GPR137C: variants seen among roughly 807,000 people sequenced by gnomAD.
GPR137C encodes integral membrane protein GPR137C.
A neutral mutation model predicts 43.4 loss-of-function variants in GPR137C; 27 were observed. The observed-to-expected ratio is 0.62, with a 90% CI of 0.46 to 0.86. The LOEUF (loss-of-function observed/expected upper bound fraction) is 0.86. Ranked by LOEUF, GPR137C falls within the 40% of genes least tolerant of loss-of-function variation. The pLI is 0.00. For synonymous variants in GPR137C, 285 were observed against 226.9 expected (o/e 1.26, Z -2.30); for missense variants, 522 against 534.6 (o/e 0.98, Z 0.23).
At chr14:52,581,949 G>T (rs2038653694) in intron 1 of GPR137C, among the ~76,000 whole-genome samples, 1 of 152,168 alleles carries the variant, frequency 6.6e-6, no homozygotes, top group Admixed American at 6.5e-5. Context: ...AAGCAACATG[G>T]TCTACATGTC....
At chr14:52,594,269 G>A (rs2038821953) in intron 1 of GPR137C, among the ~76,000 whole-genome samples, 1 of 152,196 alleles carries the variant, frequency 6.6e-6, no homozygotes, top group Non-Finnish European at 1.5e-5. Flanking sequence ...TAGAATAAGT[G>A]TGATGTGGTG....
At chr14:52,553,819 A>AGTGT (rs752589914) in intron 1 of GPR137C, among the ~76,000 whole-genome samples, 6 of 152,272 alleles carry the variant, frequency 3.9e-5, no homozygotes, top group Non-Finnish European at 8.8e-5. Flanking sequence ...TGAGTGAGTG[A>AGTGT]GTGTGTGTGT....
In GPR137C at chr14:52,553,228, C is replaced by G. The variant is rs112566626; in HGVS notation, c.81C>G (p.Ser27Arg). 1 of 1,286,524 alleles carries G rather than the reference C, an allele frequency of 7.8e-7. No individual in the cohort carries two copies. Among genetic ancestry groups the G allele is most frequent in the Non-Finnish European group, 9.8e-7 (1 of 1,018,004 alleles). The allele number at this position is 1,286,524 out of a possible 1,614,324, so 79.7% of individuals were successfully genotyped here. ...GREPSTPGGG[S>R]GGGGAVAAAS... is the part of the protein sequence containing the mutation. ...AGCCCTCCACGCCCGGCGGGGGCAGCGGAGGCGGAGGCGCCGTCGCTGCAG... is the reference window on the plus strand; with the variant it reads ...AGCCCTCCACGCCCGGCGGGGGCAGGGGAGGCGGAGGCGCCGTCGCTGCAG... Residue 27 changes from serine to arginine, a missense_variant, in exon 1 of 7, where the codon AGC becomes AGG. Coordinates refer to ENST00000321662, the MANE Select transcript of GPR137C (RefSeq NM_001099652.2).
chr14:52,634,958 T>C lies in GPR137C; in HGVS notation c.1133T>C (p.Leu378Ser), dbSNP rs752984384. ...REGSLPNSQS[L>S]GWYGTMTGCG... ...TGCAGTTTACCAAATTCGCAAAGTT[T>C]GGGCTGGTATGGCACCATGACTGGG... Residue 378 changes from leucine to serine, a missense_variant, in exon 7 of 7, where the codon TTG (leucine) becomes TCG (serine). Physicochemically the swap from Leu to Ser is moderately radical, Grantham distance 145. Around this residue, in one of 3 missense-constraint regions of GPR137C, gnomAD observed 67 missense variants for 69.0 expected, o/e 0.97. Coordinates refer to ENST00000321662, the MANE Select transcript of GPR137C (RefSeq NM_001099652.2). 4 of 1,612,616 alleles carry C rather than the reference T, an allele frequency of 2.5e-6. No individual in the cohort carries two copies. In the South Asian group the frequency reaches 4.4e-5, roughly 18 times the overall value.
Position 52,635,031 on chromosome 14 carries a change from G to A in GPR137C, c.1206G>A (p.Met402Ile), listed in dbSNP as rs780242846. The A allele has an allele frequency of 6.2e-7, 1 of 1,612,422 alleles. No homozygotes were observed. The highest frequency in any genetic ancestry group is 1.7e-4 in the Middle Eastern group (1 of 6,058). Reference sequence around the variant, plus strand: ...TCACTCCCCACCTGAATGGACCTATGACAGATACTGCTCCTTTGCTCTTTA... The same window carrying A: ...TCACTCCCCACCTGAATGGACCTATAACAGATACTGCTCCTTTGCTCTTTA... The part of the protein sequence containing the change: ...YTVTPHLNGP[M>I]TDTAPLLFTC... Residue 402 changes from methionine to isoleucine, a missense_variant, in exon 7 of 7, where the codon ATG becomes ATA. Around this residue, in one of 3 missense-constraint regions of GPR137C, gnomAD observed 67 missense variants for 69.0 expected, o/e 0.97. Coordinates refer to ENST00000321662, the MANE Select transcript of GPR137C (RefSeq NM_001099652.2).
intron 3 of GPR137C, among the ~76,000 whole-genome samples, chr14:52,625,198 AG>A (rs1594808007): frequency 6.6e-6 from 1 of 152,108 alleles, no homozygotes; most frequent in Non-Finnish European, 1.5e-5. Context: ...AAAATAGAGG[AG>A]GGGGCTGGAC....
rs756050038 is a variant in GPR137C at position 52,633,622 on chromosome 14, G to A, written c.960G>A (p.Leu320=). The A allele has an allele frequency of 1.1e-5, 17 of 1,613,138 alleles. No individual in the cohort carries two copies. The highest frequency in any genetic ancestry group is 1.4e-5 in the Non-Finnish European group (16 of 1,179,348). ...ATGTGCCAGCATGGTCGGTGGTACT[G>A]TTTTTCCGGGCACAGAGATTAAACC... ...WEHVPAWSVV[L]FFRAQRLNQN... The change falls in exon 5 of 7, where the codon CTG becomes CTA. Residue 320 remains leucine, a synonymous_variant. Coordinates refer to ENST00000321662, the MANE Select transcript of GPR137C (RefSeq NM_001099652.2).
intron 2 of GPR137C, among the ~76,000 whole-genome samples, chr14:52,599,434 C>CTTTTTT (rs376009711): frequency 1.4e-5 from 2 of 139,728 alleles, no homozygotes; most frequent in Non-Finnish European, 3.1e-5. Flanking sequence ...TTTTTTTTTC[C>CTTTTTT]TTTTTTTTTT....
Position 52,593,959 on chromosome 14 carries a change from T to G in GPR137C, c.445-4313T>G, listed in dbSNP as rs2038817417. Among the ~76,000 whole-genome samples, 4 of 152,320 alleles carry G rather than the reference T, an allele frequency of 2.6e-5. No individual in the cohort carries two copies. In the South Asian group the frequency reaches 8.3e-4, roughly 32 times the overall value. On this transcript the variant is annotated intron_variant, in intron 1 of 6. Transcript: ENST00000321662. ...TTTAGATCTTTCCTGCTTTCTCTTG[T>G]GGAATTTAGTGCTGTAAATTTCCCT...
chr14:52,563,770 C>T (rs538083347), intron 1 of GPR137C, among the ~76,000 whole-genome samples: 26 of 152,262 alleles, frequency 1.7e-4, no homozygotes, highest in African/African-American at 5.1e-4. Flanking sequence ...TCCCTCATTA[C>T]GCACATTCAC....
Position 52,553,353 on chromosome 14 carries a change from G to A in GPR137C, c.206G>A (p.Trp69Ter). Residue 69 changes from tryptophan (W) to a stop codon, truncating the protein, a stop_gained, in exon 1 of 7, where the codon TGG becomes TAG. Coordinates refer to ENST00000321662, the MANE Select transcript of GPR137C (RefSeq NM_001099652.2). LOFTEE classifies it high-confidence loss of function. Reference sequence around the variant, plus strand: ...TTCGCCTTTGCCTACCTGCAGCTGTGGCGGCTGCTCCTGTACCGCGAGCGG... The same window carrying A: ...TTCGCCTTTGCCTACCTGCAGCTGTAGCGGCTGCTCCTGTACCGCGAGCGG... ...ALFAFAYLQL[W>*]RLLLYRERRL... The A allele has an allele frequency of 6.2e-7, 1 of 1,602,514 alleles. No homozygotes were observed. Among genetic ancestry groups the A allele is most frequent in the Non-Finnish European group, 8.5e-7 (1 of 1,178,486 alleles).
intron 1 of GPR137C, among the ~76,000 whole-genome samples, chr14:52,555,560 G>C (rs750355664): frequency 2.0e-5 from 3 of 152,152 alleles, no homozygotes; most frequent in Non-Finnish European, 4.4e-5. Flanking sequence ...TAGAATACAC[G>C]GAGTATCTAG....
In GPR137C at chr14:52,600,144, A is replaced by C. The variant is rs781361760; in HGVS notation, c.520A>C (p.Ser174Arg). Residue 174 changes from serine to arginine, a missense_variant, in exon 3 of 7, where the codon AGC becomes CGC. Ser to Arg is a moderately radical substitution (Grantham distance 110). Coordinates refer to ENST00000321662, the MANE Select transcript of GPR137C (RefSeq NM_001099652.2). ...ACTGCATTTGGGCTTTATAATGGCA[A>C]GCCTGCTCTTTTTAGTGGTGAACTT... ...ILLHLGFIMASLLFLVVNLTC... is the reference protein window; with the variant it reads ...ILLHLGFIMARLLFLVVNLTC... 6.2e-7 allele frequency: 1 copy of C among 1,613,906 alleles called. No homozygotes were observed. The highest frequency in any genetic ancestry group is 8.5e-7 in the Non-Finnish European group (1 of 1,179,808).
At chr14:52,577,188 A>AAAAAC (rs1327766926) in intron 1 of GPR137C, among the ~76,000 whole-genome samples, 38 of 99,320 alleles carry the variant, frequency 3.8e-4, no homozygotes, top group Non-Finnish European at 7.6e-4. Context: ...CTCCTCAAAA[A>AAAAAC]AAAAAAAAAA....
rs2038107039 is a variant in GPR137C, at chr14:52,553,134, C to G, written c.-14C>G. On this transcript the variant is annotated 5_prime_UTR_variant, in exon 1 of 7. Coordinates refer to ENST00000321662, the MANE Select transcript of GPR137C (RefSeq NM_001099652.2). ...TTCCTTCCCGCGCTCGCTCGCCCGG[C>G]CCCCAGCCCCCTCATGAGGGTGTCC... is the stretch of plus-strand genomic sequence containing the variant. The G allele has an allele frequency of 1.7e-6, 2 of 1,159,750 alleles. No individual in the cohort carries two copies. The highest frequency in any genetic ancestry group is 3.2e-5 in the African/African-American group (2 of 61,596). 71.8% of individuals were successfully genotyped at this position (1,159,750 alleles called of 1,614,324 possible).
chr14:52,587,699 G>T (rs2038730250), intron 1 of GPR137C, among the ~76,000 whole-genome samples: 1 of 152,206 alleles, frequency 6.6e-6, no homozygotes, highest in Non-Finnish European at 1.5e-5. Flanking sequence ...GAACCATGGA[G>T]GTGGATGTTG....
intron 1 of GPR137C, among the ~76,000 whole-genome samples, chr14:52,587,143 A>G (rs1249663628): frequency 2.0e-5 from 3 of 152,154 alleles, no homozygotes; most frequent in African/African-American, 7.2e-5. Context: ...TTCACTGCTC[A>G]TTTATTCAAA....
At position 52,637,369 on chromosome 14, in the gene GPR137C, A is replaced by G. The variant is rs2039364540; in HGVS notation, c.*2254A>G. 6.6e-6 allele frequency: 1 copy of G among 152,170 alleles called. No individual in the cohort carries two copies. The highest frequency in any genetic ancestry group is 2.1e-4 in the South Asian group (1 of 4,832). 9.4% of individuals were successfully genotyped at this position (152,170 alleles called of 1,614,324 possible). On this transcript the variant is annotated 3_prime_UTR_variant, in exon 7 of 7. Coordinates refer to ENST00000321662, the MANE Select transcript of GPR137C (RefSeq NM_001099652.2). ...ACTGAAGCACATGATGACAGTATCAAACCTTCATTTTTGTTCATTAAAAAG... is the reference window on the plus strand; with the variant it reads ...ACTGAAGCACATGATGACAGTATCAGACCTTCATTTTTGTTCATTAAAAAG...
Position 52,633,921 on chromosome 14 carries a change from A to C in GPR137C, c.1087A>C (p.Arg363=). 6.2e-7 allele frequency: 1 copy of C among 1,606,228 alleles called. No homozygotes were observed. The highest frequency in any genetic ancestry group is 8.5e-7 in the Non-Finnish European group (1 of 1,172,980). ...ATATGATAGTGATGATGACCTGCCA[A>C]GACTGGGAAGTTCAAGAGAAGGAAG... is the stretch of plus-strand genomic sequence containing the variant. ...RRYDSDDDLP[R]LGSSREGSLP... Residue 363 remains arginine, a synonymous_variant, in exon 6 of 7, where the codon AGA becomes CGA. Coordinates refer to ENST00000321662, the MANE Select transcript of GPR137C (RefSeq NM_001099652.2).
Sources: gnomAD v4.1 joint callset for allele counts (sites outside exome capture counted in the v4.1 genomes callset) on GRCh38, gnomAD v4.1.1 for gene constraint, gnomAD v4.1.1 regional missense constraint, MANE v1.5 for transcripts, NCBI Gene and HGNC (gene_info 2026-07-23, HGNC 2026-07-21) for gene names.